Variants in ADAM23 observed in about 807,000 individuals in gnomAD.
ADAM23 encodes the protein ADAM metallopeptidase domain 23, also known as disintegrin and metalloproteinase domain-containing protein 23.
Under a neutral mutation model 120.1 loss-of-function variants are expected in ADAM23, and 33 were observed. The observed-to-expected ratio is 0.27, with a 90% CI of 0.21 to 0.37. ADAM23 has a LOEUF of 0.37. Among genes scored for constraint, ADAM23 ranks in the 10% least tolerant of loss-of-function variants. The probability of loss-of-function intolerance (pLI) is 1.00; values close to 1 mark genes in which losing one functional copy is unlikely to be tolerated. For synonymous variants in ADAM23, 367 were observed against 375.2 expected, an observed-to-expected ratio of 0.98 and a Z score of 0.25; for missense variants, 862 against 1,058.2, an observed-to-expected ratio of 0.81 and a Z score of 2.57.
chr2:206,485,688 A>G (rs1467804603), intron 3 of ADAM23, among the ~76,000 whole-genome samples: 1 of 152,206 alleles, frequency 6.6e-6, no homozygotes, highest in Non-Finnish European at 1.5e-5. Flanking sequence ...TCTGGCTGTT[A>G]TAGGTGCTGA....
At chr2:206,477,887 A>T (rs1457970971) in intron 2 of ADAM23, among the ~76,000 whole-genome samples, 3 of 82,332 alleles carry the variant, frequency 3.6e-5, no homozygotes, top group South Asian at 3.3e-4. Context: ...TGTTAAAAAA[A>T]AAAAAAAAAA....
At chr2:206,508,253 T>C (rs1236953304) in intron 3 of ADAM23, among the ~76,000 whole-genome samples, 2 of 152,118 alleles carry the variant, frequency 1.3e-5, no homozygotes, top group Admixed American at 6.5e-5. Flanking sequence ...ATGGTCTTGA[T>C]CTGACCTCGT....
chr2:206,495,881 A>G (rs1050013631), intron 3 of ADAM23, among the ~76,000 whole-genome samples: 3 of 152,240 alleles, frequency 2.0e-5, no homozygotes, highest in Admixed American at 1.3e-4. Flanking sequence ...CTTTAAACCA[A>G]CAAAGATCAA....
chr2:206,571,669 A>G, intron 16 of ADAM23, 58 bp from the exon 17 acceptor site: 1 of 1,247,630 alleles, frequency 8.0e-7, no homozygotes, highest in Non-Finnish European at 1.2e-6. Context: ...GTGTGGAGAG[A>G]ATATGAATGA....
intron 2 of ADAM23, among the ~76,000 whole-genome samples, chr2:206,446,285 A>G (rs746028216): frequency 6.6e-6 from 1 of 152,216 alleles, no homozygotes; most frequent in Non-Finnish European, 1.5e-5. Context: ...CTGTGTTACT[A>G]TTCTTTACTT....
At chr2:206,585,763 T>C (rs536356245) in intron 18 of ADAM23, among the ~76,000 whole-genome samples, 1 of 151,748 alleles carries the variant, frequency 6.6e-6, no homozygotes, top group African/African-American at 2.4e-5. Context: ...GGGGCAACAA[T>C]GAACAAACAA....
chr2:206,535,207 T>C (rs1697146143), intron 4 of ADAM23, among the ~76,000 whole-genome samples: 3 of 152,228 alleles, frequency 2.0e-5, no homozygotes, highest in African/African-American at 7.2e-5. Context: ...GACATTTTGA[T>C]GTTTCAATTC....
intron 21 of ADAM23, among the ~76,000 whole-genome samples, chr2:206,590,656 A>T (rs957223278): frequency 6.6e-6 from 1 of 152,220 alleles, no homozygotes; most frequent in East Asian, 1.9e-4. Context: ...ATGAGGCCAC[A>T]GTAGGCAACA....
At chr2:206,520,002 A>G (rs1696811218) in intron 3 of ADAM23, among the ~76,000 whole-genome samples, 1 of 152,150 alleles carries the variant, frequency 6.6e-6, no homozygotes, top group South Asian at 2.1e-4. Flanking sequence ...GTAACAGAGC[A>G]AGAGCCTGCC....
intron 4 of ADAM23, 47 bp downstream of exon 4, chr2:206,530,995 C>T: frequency 2.0e-6 from 3 of 1,533,818 alleles, no homozygotes; most frequent in Non-Finnish European, 2.7e-6. Flanking sequence ...GTGTGCTTAT[C>T]ATAGAGTTGA....
At chr2:206,530,621 GAAA>G (rs5838028) in intron 3 of ADAM23, among the ~76,000 whole-genome samples, 1 of 98,554 alleles carries the variant, frequency 1.0e-5, no homozygotes, top group Admixed American at 1.3e-4. Context: ...GTCTCAAAAA[GAAA>G]AAAAAAAAAA....
intron 4 of ADAM23, among the ~76,000 whole-genome samples, chr2:206,532,985 G>A (rs1697097911): frequency 6.6e-6 from 1 of 151,778 alleles, no homozygotes; most frequent in African/African-American, 2.4e-5. Context: ...TTTTATTTCT[G>A]AAAGTTTGTA....
chr2:206,513,246 C>T (rs1161542479), intron 3 of ADAM23, among the ~76,000 whole-genome samples: 2 of 152,144 alleles, frequency 1.3e-5, no homozygotes, highest in African/African-American at 2.4e-5. Context: ...GAAACTGAGG[C>T]CTCTTGAGTC....
chr2:206,573,013 A>T, intron 17 of ADAM23, 102 bp from the exon 18 acceptor site: 1 of 1,131,042 alleles, frequency 8.8e-7, no homozygotes, highest in Non-Finnish European at 1.3e-6. Context: ...GTTTGGTGTT[A>T]GTTATGCGAG....
chr2:206,585,080 C>T (rs984428990), intron 18 of ADAM23, among the ~76,000 whole-genome samples: 8 of 152,146 alleles, frequency 5.3e-5, no homozygotes, highest in Non-Finnish European at 1.0e-4. Flanking sequence ...TCTCCTGGGT[C>T]CTGCAGGAGC....
At chr2:206,469,534 G>T (rs148538280) in intron 2 of ADAM23, among the ~76,000 whole-genome samples, 2 of 152,188 alleles carry the variant, frequency 1.3e-5, no homozygotes, top group African/African-American at 4.8e-5. Flanking sequence ...CTTCTCCCTT[G>T]CCCTCTGACC....
chr2:206,562,954 C>T (rs551706688), intron 13 of ADAM23, among the ~76,000 whole-genome samples: 29 of 152,112 alleles, frequency 1.9e-4, no homozygotes, highest in Non-Finnish European at 3.8e-4. Flanking sequence ...GATAGGAAGA[C>T]AGGGCTGATT....
At chr2:206,577,694 G>A (rs554366688) in intron 18 of ADAM23, among the ~76,000 whole-genome samples, 120 of 146,590 alleles carry the variant, frequency 8.2e-4, no homozygotes, top group East Asian at 7.6e-3. Flanking sequence ...CCAAGTCTTT[G>A]CTATTGTGAA....
intron 2 of ADAM23, among the ~76,000 whole-genome samples, chr2:206,456,569 A>AACCCT (rs546962851): frequency 3.5e-3 from 526 of 152,336 alleles, no homozygotes; most frequent in Non-Finnish European, 4.4e-3. Flanking sequence ...GCACAGAGCC[A>AACCCT]ATCATGTAAA....
Sources: gnomAD v4.1 joint callset for allele counts (sites outside exome capture counted in the v4.1 genomes callset) on GRCh38, gnomAD v4.1.1 for gene constraint, MANE v1.5 for transcripts, NCBI Gene and HGNC (gene_info 2026-07-23, HGNC 2026-07-21) for gene names.